The following INSL6 variants were observed in gnomAD, a reference collection of about 807,000 sequenced individuals.
INSL6 encodes the protein insulin like 6, also known as insulin-like peptide INSL6.
A neutral mutation model predicts 9.4 loss-of-function variants in INSL6; 16 were observed. The ratio of observed to expected loss-of-function variants is 1.70; its 90% CI spans 1.15 to 2.59. INSL6 has a LOEUF of 2.59. INSL6 is among the 30% of genes most tolerant of loss of function. The pLI is 0.00. For missense variants in INSL6, 391 were observed against 257.3 expected, an observed-to-expected ratio of 1.52 and a Z score of -3.56; for synonymous variants, 154 against 96.9, an observed-to-expected ratio of 1.59 and a Z score of -3.46.
the INSL6 span, chr9:5,077,578 C>T: frequency 1.4e-6 from 2 of 1,475,954 alleles, no homozygotes; most frequent in Non-Finnish European, 1.8e-6. Context: ...CATGCATTTT[C>T]TAGTAAGTAG....
At chr9:5,055,376 T>G in the INSL6 span, among the ~76,000 whole-genome samples, 1 of 152,010 alleles carries the variant, frequency 6.6e-6, no homozygotes, top group Admixed American at 6.6e-5. Context: ...TCTTTGGTAG[T>G]CACATTTCCA....
At chr9:5,069,864 T>C in the INSL6 span, 1 of 1,149,080 alleles carries the variant, frequency 8.7e-7, no homozygotes, top group South Asian at 1.7e-5. Context: ...TTACTCCTCT[T>C]TGGAGCAATT....
At chr9:5,107,498 T>G in the INSL6 span, among the ~76,000 whole-genome samples, 1 of 152,080 alleles carries the variant, frequency 6.6e-6, no homozygotes, top group Non-Finnish European at 1.5e-5. Flanking sequence ...ACCACAGCCC[T>G]TATACTAGTT....
rs543606211 is a variant in INSL6 at position 5,123,888 on chromosome 9, CTTTTTT to C, written c.*628_*633del. Among the ~76,000 whole-genome samples, 845 of 142,200 alleles carry C rather than the reference CTTTTTT, an allele frequency of 5.9e-3. 4 individuals carry two copies. Among genetic ancestry groups the C allele is most frequent in the African/African-American group, 0.02 (779 of 38,968 alleles). The allele number at this position is 142,200 out of a possible 152,430, so 93.3% of individuals were successfully genotyped here. ...ATATCTCACTGGGGTAATTTTTTCT[CTTTTTT>C]TTTTTTGTCATTCTGACTGGAATAA... On this transcript the variant is annotated 3_prime_UTR_variant, in exon 4 of 4. Transcript: ENST00000649639.
At chr9:5,128,173 T>C (rs993411799) in intron 3 of INSL6, 1 of 232,078 alleles carries the variant, frequency 4.3e-6, no homozygotes, top group African/African-American at 2.2e-5. Context: ...AGAAAATAGT[T>C]TCTTACTTTA....
At chr9:5,115,706 A>G in the INSL6 span, among the ~76,000 whole-genome samples, 1 of 152,260 alleles carries the variant, frequency 6.6e-6, no homozygotes. Context: ...TGTGACACAT[A>G]TACACCATGG....
At chr9:5,036,261 T>C in the INSL6 span, among the ~76,000 whole-genome samples, 2 of 152,210 alleles carry the variant, frequency 1.3e-5, no homozygotes, top group African/African-American at 4.8e-5. Context: ...TCCATGCTCA[T>C]GGGTAGGAAG....
the INSL6 span, among the ~76,000 whole-genome samples, chr9:5,040,073 T>C: frequency 6.6e-6 from 1 of 152,216 alleles, no homozygotes; most frequent in African/African-American, 2.4e-5. Flanking sequence ...ACAAAAGGAC[T>C]GTAATCAAGA....
chr9:4,998,662 G>A, the INSL6 span, among the ~76,000 whole-genome samples: 1 of 151,692 alleles, frequency 6.6e-6, no homozygotes, highest in African/African-American at 2.4e-5. Flanking sequence ...CTACAAATGT[G>A]GCTTTTCCTG....
At chr9:4,992,815 C>A in the INSL6 span, among the ~76,000 whole-genome samples, 1 of 152,176 alleles carries the variant, frequency 6.6e-6, no homozygotes, top group African/African-American at 2.4e-5. Context: ...GCAAGGTAGG[C>A]ACAGTCTGTA....
At chr9:5,111,668 G>T in the INSL6 span, 2 of 408,996 alleles carry the variant, frequency 4.9e-6, no homozygotes, top group South Asian at 1.8e-5. Context: ...GCCCAGCAGC[G>T]GCCCTGTGGG....
rs1554691053 is a variant in INSL6, at chr9:5,164,275, G to C, written c.290-10C>G. On this transcript the variant is annotated splice_polypyrimidine_tract_variant and intron_variant, in intron 1 of 1. Coordinates refer to ENST00000381641, the MANE Select transcript of INSL6 (RefSeq NM_007179.3). ...TCCCAAGAAGTAGACACTGTTGAGAGAGAAGAAAATAAATGCTCCTTTATT... is the reference window on the plus strand; with the variant it reads ...TCCCAAGAAGTAGACACTGTTGAGACAGAAGAAAATAAATGCTCCTTTATT... 6.5e-7 allele frequency: 1 copy of C among 1,546,270 alleles called. No individual in the cohort carries two copies. The highest frequency in any genetic ancestry group is 1.8e-5 in the Admixed American group (1 of 57,098).
chr9:5,066,774 G>T, the INSL6 span: 1 of 1,547,692 alleles, frequency 6.5e-7, no homozygotes, highest in South Asian at 1.2e-5. Context: ...AATATTTTTT[G>T]ACTTTTGCTG....
intron 3 of INSL6, chr9:5,126,700 C>T (rs745469565): frequency 6.2e-7 from 1 of 1,609,212 alleles, no homozygotes; most frequent in Admixed American, 1.7e-5. Context: ...ATGATCATGA[C>T]AGAATGCTGG....
the INSL6 span, among the ~76,000 whole-genome samples, chr9:5,105,473 A>C: frequency 1.3e-5 from 2 of 152,246 alleles, no homozygotes; most frequent in Non-Finnish European, 2.9e-5. Flanking sequence ...CAATATCGTG[A>C]AAATGGCGAT....
At chr9:5,130,815 G>A (rs181924636) in intron 3 of INSL6, among the ~76,000 whole-genome samples, 26 of 150,578 alleles carry the variant, frequency 1.7e-4, no homozygotes, top group African/African-American at 3.2e-4. Context: ...TGCAAGCTCC[G>A]CCTCCCGGGT....
chr9:5,154,769 A>C (rs1219684639), intron 2 of INSL6, among the ~76,000 whole-genome samples: 2 of 152,242 alleles, frequency 1.3e-5, no homozygotes, highest in African/African-American at 4.8e-5. Context: ...TCAAAACCAC[A>C]ATGAGATACC....
At chr9:5,127,023 T>C (rs1380515753) in intron 3 of INSL6, 2 of 304,904 alleles carry the variant, frequency 6.6e-6, no homozygotes, top group Non-Finnish European at 1.2e-5. Flanking sequence ...GTAAGAAGTT[T>C]CTTAAACATT....
intron 2 of INSL6, among the ~76,000 whole-genome samples, chr9:5,135,769 G>C (rs958364713): frequency 5.3e-5 from 8 of 151,710 alleles, no homozygotes; most frequent in African/African-American, 1.9e-4. Flanking sequence ...AAATAACTAA[G>C]ATCAGAGCAG....
Sources: allele counts gnomAD v4.1 joint callset (sites outside exome capture counted in the v4.1 genomes callset), GRCh38; gene constraint gnomAD v4.1.1; transcripts MANE v1.5; gene names NCBI Gene and HGNC (gene_info 2026-07-23, HGNC 2026-07-21).